The following MLLT10 variants were observed in gnomAD, a reference collection of about 807,000 sequenced individuals.
MLLT10 encodes the protein protein AF-10.
A neutral mutation model predicts 129.1 loss-of-function variants in MLLT10; 30 were observed. The ratio of observed to expected loss-of-function variants is 0.23; its 90% CI spans 0.17 to 0.32. MLLT10 has a LOEUF of 0.32. MLLT10 is among the 10% of genes least tolerant of loss of function. MLLT10 has a pLI of 1.00. For missense variants in MLLT10, 1,119 were observed against 1,268.3 expected (o/e 0.88, Z 1.79); for synonymous variants, 490 against 446.4 (o/e 1.10, Z -1.23).
intron 13 of MLLT10, among the ~76,000 whole-genome samples, chr10:21,708,229 C>G (rs1016106234): frequency 2.6e-5 from 4 of 152,174 alleles, no homozygotes; most frequent in Non-Finnish European, 4.4e-5. Context: ...CATTGCCACC[C>G]TCTGTACCGT....
intron 13 of MLLT10, among the ~76,000 whole-genome samples, chr10:21,701,732 A>G (rs1335300260): frequency 6.6e-6 from 1 of 151,136 alleles, no homozygotes; most frequent in Non-Finnish European, 1.5e-5. Flanking sequence ...GACTATAGGC[A>G]TGTACCACCA....
At chr10:21,621,421 A>G (rs1238409304) in intron 8 of MLLT10, among the ~76,000 whole-genome samples, 1 of 127,334 alleles carries the variant, frequency 7.9e-6, no homozygotes, top group East Asian at 2.4e-4. Flanking sequence ...ATTTTTTTGT[A>G]TTTTTAGTAG....
At chr10:21,551,332 C>T (rs1588877812) in intron 3 of MLLT10, among the ~76,000 whole-genome samples, 4 of 53,456 alleles carry the variant, frequency 7.5e-5, no homozygotes, top group African/African-American at 1.6e-4. Flanking sequence ...ACACAAATAA[C>T]TTTTTTATTT....
chr10:21,589,586 C>CT (rs1341912100), intron 4 of MLLT10, among the ~76,000 whole-genome samples: 1 of 152,108 alleles, frequency 6.6e-6, no homozygotes, highest in Non-Finnish European at 1.5e-5. Context: ...TTACTATGTG[C>CT]TTTTTTCCTC....
intron 17 of MLLT10, among the ~76,000 whole-genome samples, chr10:21,731,460 T>A (rs983680118): frequency 6.6e-6 from 1 of 152,164 alleles, no homozygotes; most frequent in Non-Finnish European, 1.5e-5. Context: ...GTACTTTGTG[T>A]CTCCACTGTA....
intron 8 of MLLT10, chr10:21,625,443 T>C (rs960365217): frequency 4.3e-6 from 4 of 936,680 alleles, no homozygotes; most frequent in Admixed American, 1.8e-5. Flanking sequence ...ACTTTTACCT[T>C]AGCCATGACT....
At chr10:21,735,382 A>G in intron 21 of MLLT10, 147 bp downstream of exon 21, 1 of 657,168 alleles carries the variant, frequency 1.5e-6, no homozygotes, top group Admixed American at 3.0e-5. Context: ...ACAGGCTGTG[A>G]TACCTGCAGT....
rs375271558 is a variant in MLLT10, at chr10:21,688,098, C to A, written c.1699+5841C>A. On this transcript the variant is annotated intron_variant, in intron 13 of 22. Coordinates refer to ENST00000307729, the MANE Select transcript of MLLT10 (RefSeq NM_001195626.3). ...CCCACTGGGGAGAAAAAGTAGTTTTCACATTTGGCTGGTGAGTCCACCACT... is the reference window on the plus strand; with the variant it reads ...CCCACTGGGGAGAAAAAGTAGTTTTAACATTTGGCTGGTGAGTCCACCACT... Among the ~76,000 whole-genome samples the A allele has an allele frequency of 5.3e-5, 8 of 151,046 alleles. No individual in the cohort carries two copies. The East Asian group carries it at 1.4e-3, about 26-fold the overall frequency.
chr10:21,596,547 G>A (rs539108760), intron 5 of MLLT10, among the ~76,000 whole-genome samples: 60 of 151,742 alleles, frequency 4.0e-4, no homozygotes, highest in African/African-American at 1.4e-3. Context: ...AAGTTACACT[G>A]TATTAGCTAT....
chr10:21,568,130 CT>C (rs1385212618), intron 3 of MLLT10, among the ~76,000 whole-genome samples: 1 of 152,044 alleles, frequency 6.6e-6, no homozygotes, highest in Non-Finnish European at 1.5e-5. Context: ...GTTGGGGGTT[CT>C]TTTATTTGGT....
intron 3 of MLLT10, among the ~76,000 whole-genome samples, chr10:21,578,387 G>A (rs1331749387): frequency 2.0e-5 from 3 of 152,114 alleles, no homozygotes; most frequent in East Asian, 1.9e-4. Context: ...TCAGACATGC[G>A]ACTTGTAGAC....
Position 21,717,897 on chromosome 10 carries a change from C to CCTT in MLLT10, c.1878+3949_1878+3950insTCT, listed in dbSNP as rs1564712477. Among the ~76,000 whole-genome samples the CCTT allele has an allele frequency of 2.1e-4, 30 of 145,786 alleles. 1 individual carries two copies. Among genetic ancestry groups the CCTT allele is most frequent in the African/African-American group, 7.1e-4 (28 of 39,278 alleles). ...TCCTTCTCCTCCTCCTTCTCCTCCT[C>CCTT]CTCCTCCTCCTCCTTCTCCTTCTCC... On this transcript the variant is annotated intron_variant, in intron 14 of 22. Transcript: ENST00000307729.
chr10:21,538,676 G>A (rs893389055), intron 2 of MLLT10, among the ~76,000 whole-genome samples, 157 bp from the exon 3 acceptor site: 30 of 152,138 alleles, frequency 2.0e-4, no homozygotes, highest in African/African-American at 7.0e-4. Flanking sequence ...TAAGTAAGCT[G>A]TATATGTGAT....
At chr10:21,635,798 C>T (rs561192474) in intron 8 of MLLT10, among the ~76,000 whole-genome samples, 4 of 151,674 alleles carry the variant, frequency 2.6e-5, no homozygotes, top group African/African-American at 9.7e-5. Flanking sequence ...GCAATCTCAG[C>T]TCACTGCCAC....
At chr10:21,560,663 G>A (rs117994080) in intron 3 of MLLT10, among the ~76,000 whole-genome samples, 4,653 of 152,134 alleles carry the variant, frequency 0.031, 88 homozygotes, top group Middle Eastern at 0.065. Flanking sequence ...GTCCAGGCTG[G>A]TTTTGAACTT....
At chr10:21,605,514 C>T (rs1282913108) in intron 5 of MLLT10, among the ~76,000 whole-genome samples, 1 of 152,016 alleles carries the variant, frequency 6.6e-6, no homozygotes, top group Non-Finnish European at 1.5e-5. Context: ...GGCACTGTCA[C>T]GGTCACTGCA....
chr10:21,664,321 T>G (rs1405202688), intron 9 of MLLT10, among the ~76,000 whole-genome samples: 1 of 142,494 alleles, frequency 7.0e-6, no homozygotes, highest in Non-Finnish European at 1.5e-5. Context: ...TGTTTGTTTG[T>G]TTTTTTTTTT....
chr10:21,564,461 T>C (rs1022662404), intron 3 of MLLT10: 1 of 152,016 alleles, frequency 6.6e-6, no homozygotes, highest in Non-Finnish European at 1.5e-5. Context: ...GGTATCTTTT[T>C]TTTTTTTCTT....
intron 20 of MLLT10, among the ~76,000 whole-genome samples, chr10:21,734,438 C>T (rs764162826): frequency 5.3e-5 from 8 of 151,986 alleles, no homozygotes; most frequent in Non-Finnish European, 1.2e-4. Flanking sequence ...AGAAAGATAT[C>T]GTAGTGGAGA....
Sources: gnomAD v4.1 joint callset for allele counts (sites outside exome capture counted in the v4.1 genomes callset) on GRCh38, gnomAD v4.1.1 for gene constraint, MANE v1.5 for transcripts, NCBI Gene and HGNC (gene_info 2026-07-23, HGNC 2026-07-21) for gene names.